Variants in ASXL3 observed in about 807,000 individuals in gnomAD.
ASXL3 encodes ASXL transcriptional regulator 3.
A neutral mutation model predicts 170.6 loss-of-function variants in ASXL3; 34 were observed. The observed-to-expected ratio is 0.20, with a 90% CI of 0.15 to 0.27. ASXL3 has a LOEUF of 0.27. Among genes scored for constraint, ASXL3 ranks in the 10% least tolerant of loss-of-function variants. The pLI, the probability that ASXL3 is intolerant of heterozygous loss-of-function variation, is 1.00. For synonymous variants in ASXL3, 1,002 were observed against 989.1 expected (o/e 1.01, Z -0.24); for missense variants, 2,592 against 2,695.3 (o/e 0.96, Z 0.85).
intron 8 of ASXL3, among the ~76,000 whole-genome samples, chr18:33,694,821 T>C (rs2066746096): frequency 6.6e-6 from 1 of 152,134 alleles, no homozygotes; most frequent in South Asian, 2.1e-4. Context: ...CTGTGGAGAA[T>C]GTCATTAAAC....
chr18:33,686,206 A>C (rs2145291984), intron 8 of ASXL3, among the ~76,000 whole-genome samples: 1 of 152,340 alleles, frequency 6.6e-6, no homozygotes, highest in South Asian at 2.1e-4. Context: ...AGAAATATTT[A>C]CTGAGCATGT....
chr18:33,676,770 A>T (rs2066437395), intron 7 of ASXL3, among the ~76,000 whole-genome samples: 1 of 152,326 alleles, frequency 6.6e-6, no homozygotes, highest in Admixed American at 6.5e-5. Context: ...TGTTTTAATA[A>T]TACCCTCTCT....
chr18:33,711,000 A>C (rs1299317316), intron 8 of ASXL3, among the ~76,000 whole-genome samples: 1 of 152,174 alleles, frequency 6.6e-6, no homozygotes, highest in South Asian at 2.1e-4. Context: ...TCTAAGGTTG[A>C]TTTTAAAATG....
At chr18:33,593,280 T>C (rs1378732764) in intron 1 of ASXL3, among the ~76,000 whole-genome samples, 3 of 148,880 alleles carry the variant, frequency 2.0e-5, no homozygotes, top group Non-Finnish European at 4.4e-5. Context: ...TTTTTTTTTT[T>C]TGGCCTAGGG....
chr18:33,600,045 AT>A (rs1479251087), intron 1 of ASXL3, among the ~76,000 whole-genome samples: 1 of 152,152 alleles, frequency 6.6e-6, no homozygotes, highest in Non-Finnish European at 1.5e-5. Flanking sequence ...TAGCTCATTT[AT>A]TTTAATGAGT....
At chr18:33,723,124 A>T (rs1360789350) in intron 8 of ASXL3, among the ~76,000 whole-genome samples, 2 of 152,178 alleles carry the variant, frequency 1.3e-5, no homozygotes, top group Non-Finnish European at 2.9e-5. Flanking sequence ...GTAAAAAGAG[A>T]ATAATGTTTT....
intron 5 of ASXL3, among the ~76,000 whole-genome samples, chr18:33,667,173 C>T (rs2066271020): frequency 6.6e-6 from 1 of 152,140 alleles, no homozygotes; most frequent in Non-Finnish European, 1.5e-5. Flanking sequence ...CCTTCTGCCT[C>T]CCAGAAGGTT....
At chr18:33,648,149 G>GT (rs1354809862) in intron 4 of ASXL3, among the ~76,000 whole-genome samples, 1 of 152,136 alleles carries the variant, frequency 6.6e-6, no homozygotes, top group Non-Finnish European at 1.5e-5. Flanking sequence ...CCATTGTAGA[G>GT]TTTTGAGCTA....
At chr18:33,640,232 G>A (rs1247711290) in intron 2 of ASXL3, among the ~76,000 whole-genome samples, 1 of 151,764 alleles carries the variant, frequency 6.6e-6, no homozygotes, top group Non-Finnish European at 1.5e-5. Context: ...GAATTATTCA[G>A]CTAACTTATA....
At chr18:33,679,781 G>A (rs2066485195) in intron 7 of ASXL3, among the ~76,000 whole-genome samples, 2 of 151,980 alleles carry the variant, frequency 1.3e-5, no homozygotes. Context: ...CAATGACATT[G>A]CAAAGAGTCA....
intron 2 of ASXL3, among the ~76,000 whole-genome samples, chr18:33,627,814 A>G (rs1437992296): frequency 1.3e-5 from 2 of 152,154 alleles, no homozygotes; most frequent in Non-Finnish European, 2.9e-5. Context: ...AGTTTCTCCA[A>G]TTTTGAACAT....
chr18:33,581,472 AGTGTGT>A (rs150752638), intron 1 of ASXL3, among the ~76,000 whole-genome samples: 4 of 145,200 alleles, frequency 2.8e-5, no homozygotes, highest in Admixed American at 6.9e-5. Flanking sequence ...TGCTGGAGTG[AGTGTGT>A]GTGTGTGTGT....
rs376654969 is a variant in ASXL3, at chr18:33,601,785, G to GTTTATATATATA, written c.55-5808_55-5807insTTATATATATAT. Among the ~76,000 whole-genome samples, 155 of 103,952 alleles carry GTTTATATATATA rather than the reference G, an allele frequency of 1.5e-3. 17 individuals are homozygous for GTTTATATATATA. The highest frequency in any genetic ancestry group is 5.4e-3 in the Middle Eastern group (1 of 186). 68.2% of individuals were successfully genotyped at this position (103,952 alleles called of 152,430 possible). Reference sequence around the variant, plus strand: ...TGAGAATTTAAGTAAATATCTGATTGTATATATATAGTTTGTTTGTTTTGA... The same window carrying GTTTATATATATA: ...TGAGAATTTAAGTAAATATCTGATTGTTTATATATATATATATATATAGTTTGTTTGTTTTGA... On this transcript the variant is annotated intron_variant, in intron 1 of 11. Transcript: ENST00000269197.
At chr18:33,597,815 A>C (rs540541822) in intron 1 of ASXL3, among the ~76,000 whole-genome samples, 1 of 151,828 alleles carries the variant, frequency 6.6e-6, no homozygotes, top group Non-Finnish European at 1.5e-5. Context: ...AACAAAAAAA[A>C]CAAAAAACAA....
intron 1 of ASXL3, among the ~76,000 whole-genome samples, chr18:33,593,954 C>T (rs1568267286): frequency 6.6e-6 from 1 of 152,128 alleles, no homozygotes; most frequent in African/African-American, 2.4e-5. Flanking sequence ...TTTATATCCC[C>T]TATTACTGGA....
chr18:33,599,674 T>G (rs1270460795), intron 1 of ASXL3, among the ~76,000 whole-genome samples: 1 of 152,180 alleles, frequency 6.6e-6, no homozygotes, highest in African/African-American at 2.4e-5. Context: ...CAGGTTTTTT[T>G]GGGGCATGTA....
intron 7 of ASXL3, among the ~76,000 whole-genome samples, chr18:33,680,209 G>A (rs1363691057): frequency 2.6e-5 from 4 of 151,582 alleles, no homozygotes; most frequent in African/African-American, 2.4e-5. Flanking sequence ...TTTCTGTAAC[G>A]TGTAAAGCAC....
chr18:33,630,928 C>T (rs563413788), intron 2 of ASXL3, among the ~76,000 whole-genome samples: 1 of 151,618 alleles, frequency 6.6e-6, no homozygotes, highest in South Asian at 2.1e-4. Context: ...GAGAAAGATA[C>T]AGACACAATC....
At chr18:33,579,615 T>G (rs888494234) in intron 1 of ASXL3, among the ~76,000 whole-genome samples, 4 of 152,204 alleles carry the variant, frequency 2.6e-5, no homozygotes, top group African/African-American at 9.7e-5. Flanking sequence ...TCTTTCTTTC[T>G]TTTTTCTTCC....
Sources: allele counts gnomAD v4.1 joint callset (sites outside exome capture counted in the v4.1 genomes callset), GRCh38; gene constraint gnomAD v4.1.1; transcripts MANE v1.5; gene names NCBI Gene and HGNC (gene_info 2026-07-23, HGNC 2026-07-21).